Variants in TMED3 observed in about 807,000 individuals in gnomAD.
The protein encoded by TMED3 is transmembrane emp24 domain-containing protein 3.
TMED3 carries 9 observed loss-of-function variants against 15.0 expected under a neutral mutation model. That is an observed-to-expected ratio of 0.60 (90% CI 0.36 to 1.04). The LOEUF is 1.04. TMED3 is among the 50% of genes least tolerant of loss of function. The probability of loss-of-function intolerance (pLI) is 0.01; values close to 1 mark genes in which losing one functional copy is unlikely to be tolerated. For synonymous variants in TMED3, 117 were observed against 121.4 expected (o/e 0.96, Z 0.24); for missense variants, 267 against 278.9 (o/e 0.96, Z 0.30).
intron 2 of TMED3, chr15:79,314,792 G>T (rs1410169862): frequency 3.7e-6 from 1 of 267,962 alleles, no homozygotes; most frequent in Admixed American, 4.0e-5. Context: ...GGCTGTCAAG[G>T]TTCATTATTC....
At chr15:79,357,100 A>G (rs965210412) in intron 2 of TMED3, among the ~76,000 whole-genome samples, 1 of 152,202 alleles carries the variant, frequency 6.6e-6, no homozygotes, top group Non-Finnish European at 1.5e-5. Flanking sequence ...TTATATGTGT[A>G]TGAGCATTTG....
rs770908752 is a variant in TMED3 at position 79,313,771 on chromosome 15, C to T, written c.183C>T (p.Gly61=). ...FSLDYQVITG[G]HYDVDCYVED... is the part of the protein sequence containing the mutation. ...ATGGTTGTCAGGTCATCACTGGAGG[C>T]CACTACGATGTTGACTGCTATGTAG... Residue 61 remains glycine (G), a synonymous_variant, in exon 2 of 3, where the codon GGC becomes GGT. Transcript: ENST00000299705. The T allele has an allele frequency of 3.1e-6, 5 of 1,613,876 alleles. No individual in the cohort carries two copies. The highest frequency in any genetic ancestry group is 1.3e-5 in the African/African-American group (1 of 75,016).
intron 2 of TMED3, among the ~76,000 whole-genome samples, chr15:79,380,313 G>T (rs1418536971): frequency 6.6e-6 from 1 of 151,370 alleles, no homozygotes; most frequent in Non-Finnish European, 1.5e-5. Flanking sequence ...TTGTGCCATT[G>T]TACTCCAGCC....
chr15:79,358,023 C>T (rs766698256), intron 2 of TMED3, among the ~76,000 whole-genome samples: 3 of 152,190 alleles, frequency 2.0e-5, no homozygotes, highest in South Asian at 4.1e-4. Context: ...TGTGAGCATA[C>T]GTTCATTTAT....
At chr15:79,366,081 G>C (rs1893229109) in intron 2 of TMED3, among the ~76,000 whole-genome samples, 1 of 152,190 alleles carries the variant, frequency 6.6e-6, no homozygotes. Context: ...AAGAGGGTGA[G>C]ATAAGCTATA....
At chr15:79,395,734 G>T (rs985977014) in intron 2 of TMED3, among the ~76,000 whole-genome samples, 2 of 151,932 alleles carry the variant, frequency 1.3e-5, no homozygotes, top group Non-Finnish European at 1.5e-5. Context: ...TTATTGTTTC[G>T]TCTATTTCAT....
At chr15:79,394,989 A>G (rs1470524784) in intron 2 of TMED3, among the ~76,000 whole-genome samples, 1 of 152,218 alleles carries the variant, frequency 6.6e-6, no homozygotes, top group East Asian at 1.9e-4. Flanking sequence ...GCACTGTGTT[A>G]TAGGCTATCA....
rs569279794 is a variant in TMED3, at chr15:79,367,689, G to A, written c.418-43711G>A. 1.8e-3 allele frequency among the ~76,000 whole-genome samples: 279 copies of A among 152,192 alleles called. 3 individuals are homozygous for A. Among genetic ancestry groups the A allele is most frequent in the African/African-American group, 6.5e-3 (271 of 41,548 alleles). ...GCCAGCAAAGGCTGTTGGACAACCC[G>A]ATGGGTTGCAGGTACAGGATTTTTA... On this transcript the variant is annotated intron_variant, in intron 2 of 2. Coordinates refer to the TMED3 transcript ENST00000424155.
intron 2 of TMED3, among the ~76,000 whole-genome samples, chr15:79,362,520 A>G (rs1893152035): frequency 6.6e-6 from 1 of 152,082 alleles, no homozygotes; most frequent in South Asian, 2.1e-4. Flanking sequence ...AAGTTAATAT[A>G]AAATATTTAT....
In TMED3 at chr15:79,352,660, C is replaced by T. The variant is rs542111659; in HGVS notation, c.417+38655C>T. Among the ~76,000 whole-genome samples the T allele has an allele frequency of 1.0e-4, 6 of 59,562 alleles. No homozygotes were observed. In the East Asian group the frequency reaches 1.8e-3, roughly 18 times the overall value. 39.1% of individuals were successfully genotyped at this position (59,562 alleles called of 152,430 possible). A position where few individuals can be genotyped will look rare whatever the true frequency, so the allele number is the denominator to read the frequency against. ...AAAGCGGAAAACACAAGGTCATTAA[C>T]TAAGAAAAAAAAAATATATATATAT... On this transcript the variant is annotated intron_variant, in intron 2 of 2. Coordinates refer to the TMED3 transcript ENST00000424155.
intron 2 of TMED3, among the ~76,000 whole-genome samples, chr15:79,366,583 C>A (rs1476810158): frequency 6.6e-6 from 1 of 152,232 alleles, no homozygotes; most frequent in Admixed American, 6.5e-5. Flanking sequence ...CTTGAAGGAA[C>A]TAAAGATTTT....
chr15:79,375,705 AGGAT>A (rs1427412323), intron 2 of TMED3, among the ~76,000 whole-genome samples: 1 of 152,144 alleles, frequency 6.6e-6, no homozygotes, highest in Admixed American at 6.5e-5. Flanking sequence ...CAGCACCAAG[AGGAT>A]GGTGCTAAAT....
intron 2 of TMED3, among the ~76,000 whole-genome samples, chr15:79,377,297 T>TGTGTGTGTGTGTGTGA (rs1491369749): frequency 8.0e-5 from 8 of 99,452 alleles, no homozygotes; most frequent in African/African-American, 2.9e-4. Flanking sequence ...TGTGTGTGTG[T>TGTGTGTGTGTGTGTGA]GAGAGAGAGA....
At chr15:79,315,436 T>C (rs1374375878) in intron 2 of TMED3, among the ~76,000 whole-genome samples, 1 of 152,162 alleles carries the variant, frequency 6.6e-6, no homozygotes, top group East Asian at 1.9e-4. Flanking sequence ...GTGTATTGTG[T>C]GTAAGATCTT....
At chr15:79,407,948 G>A (rs1336181085) in intron 2 of TMED3, among the ~76,000 whole-genome samples, 2 of 152,178 alleles carry the variant, frequency 1.3e-5, no homozygotes, top group African/African-American at 2.4e-5. Flanking sequence ...CAGCCTTGCA[G>A]CGCAGCCATT....
At chr15:79,374,877 A>G (rs1040198625) in intron 2 of TMED3, among the ~76,000 whole-genome samples, 2 of 152,180 alleles carry the variant, frequency 1.3e-5, no homozygotes, top group Non-Finnish European at 2.9e-5. Context: ...AGTCTAGGAG[A>G]TGCTTCAAAT....
rs1235477421 is a variant in TMED3 at position 79,314,757 on chromosome 15, G to A, written c.417+752G>A. Reference sequence around the variant, plus strand: ...TGGAGGAGAAACGGTGACATTTTGGGGGGATAGTCATGTCTGTCGCCCATG... The same window carrying A: ...TGGAGGAGAAACGGTGACATTTTGGAGGGATAGTCATGTCTGTCGCCCATG... On this transcript the variant is annotated intron_variant, in intron 2 of 2. Transcript: ENST00000299705. 55 of 281,766 alleles carry A rather than the reference G, an allele frequency of 2.0e-4. 1 individual carries two copies. Among genetic ancestry groups the A allele is most frequent in the South Asian group, 1.8e-3 (55 of 30,370 alleles). 17.5% of individuals were successfully genotyped at this position (281,766 alleles called of 1,614,324 possible).
intron 2 of TMED3, among the ~76,000 whole-genome samples, chr15:79,410,515 C>T (rs1893962304): frequency 6.6e-6 from 1 of 152,114 alleles, no homozygotes; most frequent in African/African-American, 2.4e-5. Context: ...ATGTTCACTG[C>T]AACTGGATGA....
chr15:79,322,234 G>A lies in TMED3; in HGVS notation c.*20G>A. On this transcript the variant is annotated 3_prime_UTR_variant, in exon 3 of 3. Coordinates refer to ENST00000299705, the MANE Select transcript of TMED3 (RefSeq NM_007364.4). ...TCCTAGCCCCGGCATCCTGCTCTAG[G>A]GCCCCTCATGCCCCAGGCTGGAGCA... The A allele has an allele frequency of 6.2e-7, 1 of 1,602,334 alleles. No homozygotes were observed. Among genetic ancestry groups the A allele is most frequent in the Non-Finnish European group, 8.5e-7 (1 of 1,173,058 alleles).
Sources: allele counts gnomAD v4.1 joint callset (sites outside exome capture counted in the v4.1 genomes callset), GRCh38; gene constraint gnomAD v4.1.1; transcripts MANE v1.5; gene names NCBI Gene and HGNC (gene_info 2026-07-23, HGNC 2026-07-21).